MDGA2: variants seen among roughly 807,000 people sequenced by gnomAD.
The protein encoded by MDGA2 is MAM domain-containing glycosylphosphatidylinositol anchor protein 2.
In MDGA2, 40 loss-of-function variants were observed where a neutral mutation model predicts 117.8. The observed-to-expected ratio is 0.34, with a 90% confidence interval of 0.26 to 0.44. The LOEUF (loss-of-function observed/expected upper bound fraction) is 0.44. Ranked by LOEUF, MDGA2 falls within the 20% of genes least tolerant of loss-of-function variation. The pLI, the probability that MDGA2 is intolerant of heterozygous loss-of-function variation, is 1.00. For synonymous variants in MDGA2, 452 were observed against 439.0 expected, an observed-to-expected ratio of 1.03 and a Z score of -0.37; for missense variants, 1,123 against 1,250.6, an observed-to-expected ratio of 0.90 and a Z score of 1.54.
intron 1 of MDGA2, among the ~76,000 whole-genome samples, chr14:47,650,250 G>C (rs1033956225): frequency 1.3e-5 from 2 of 152,090 alleles, no homozygotes; most frequent in African/African-American, 4.8e-5. Context: ...CTGGAACTAC[G>C]TCCTCAGCTC....
intron 2 of MDGA2, among the ~76,000 whole-genome samples, chr14:47,282,376 A>T (rs765042869): frequency 1.4e-4 from 21 of 152,130 alleles, no homozygotes; most frequent in Non-Finnish European, 2.6e-4. Flanking sequence ...TCATGGACAG[A>T]TGTTTACAAA....
intron 2 of MDGA2, among the ~76,000 whole-genome samples, chr14:47,230,158 A>G (rs959278717): frequency 6.6e-6 from 1 of 151,994 alleles, no homozygotes; most frequent in Non-Finnish European, 1.5e-5. Flanking sequence ...AGTATTAGAA[A>G]TGTAATAAAA....
intron 1 of MDGA2, among the ~76,000 whole-genome samples, chr14:47,673,778 T>A (rs572536230): frequency 3.9e-5 from 6 of 152,012 alleles, no homozygotes; most frequent in African/African-American, 1.4e-4. Flanking sequence ...CTTCTCTAGT[T>A]CCTAAACCTA....
chr14:47,047,999 T>C (rs541670187), intron 7 of MDGA2, among the ~76,000 whole-genome samples: 1 of 152,050 alleles, frequency 6.6e-6, no homozygotes, highest in African/African-American at 2.4e-5. Flanking sequence ...GGAAAGAAGA[T>C]TGCATTTGTC....
At chr14:47,415,663 C>T (rs1892460837) in intron 1 of MDGA2, among the ~76,000 whole-genome samples, 1 of 152,146 alleles carries the variant, frequency 6.6e-6, no homozygotes. Flanking sequence ...TAACAGAATA[C>T]ACACAAGGTA....
At chr14:47,129,875 C>A (rs1251719164) in intron 5 of MDGA2, among the ~76,000 whole-genome samples, 34 of 144,890 alleles carry the variant, frequency 2.3e-4, no homozygotes, top group Admixed American at 3.4e-4. Flanking sequence ...TGTTTTTTGG[C>A]TGCATAAATG....
chr14:47,096,729 A>G, intron 6 of MDGA2, 125 bp downstream of exon 6: 1 of 961,318 alleles, frequency 1.0e-6, no homozygotes, highest in Non-Finnish European at 1.6e-6. Flanking sequence ...TTATTTATAC[A>G]TGATTTTATC....
At chr14:47,096,828 T>G in intron 6 of MDGA2, 26 bp downstream of exon 6, 2 of 1,608,938 alleles carry the variant, frequency 1.2e-6, no homozygotes, top group Non-Finnish European at 1.7e-6. Context: ...GGAATCTACG[T>G]TGTAACATTC....
At chr14:47,119,285 T>G (rs1226429478) in intron 5 of MDGA2, among the ~76,000 whole-genome samples, 3 of 151,204 alleles carry the variant, frequency 2.0e-5, no homozygotes, top group Non-Finnish European at 3.0e-5. Context: ...CAGGATGGTC[T>G]CAATCTCCTG....
chr14:46,994,063 C>T (rs1363823979), intron 8 of MDGA2, among the ~76,000 whole-genome samples: 4 of 152,000 alleles, frequency 2.6e-5, no homozygotes, highest in South Asian at 4.2e-4. Context: ...ACGGGGTAAT[C>T]GATCAATCAA....
intron 1 of MDGA2, among the ~76,000 whole-genome samples, chr14:47,364,744 G>C (rs1288686299): frequency 1.3e-5 from 2 of 152,206 alleles, no homozygotes; most frequent in African/African-American, 2.4e-5. Flanking sequence ...AATACAGATA[G>C]TTAAAAGTGA....
intron 1 of MDGA2, among the ~76,000 whole-genome samples, chr14:47,510,133 C>A (rs1249649992): frequency 6.6e-6 from 1 of 152,090 alleles, no homozygotes; most frequent in Admixed American, 6.5e-5. Context: ...GCAGGCAGAG[C>A]CCTCCTGAAT....
intron 1 of MDGA2, among the ~76,000 whole-genome samples, chr14:47,363,933 T>A (rs1414414460): frequency 4.6e-5 from 7 of 152,182 alleles, no homozygotes; most frequent in Non-Finnish European, 1.0e-4. Context: ...ACTTTGCATT[T>A]TAAAAAATTT....
intron 2 of MDGA2, among the ~76,000 whole-genome samples, chr14:47,283,403 A>C (rs964885408): frequency 2.0e-5 from 3 of 152,240 alleles, no homozygotes; most frequent in Non-Finnish European, 4.4e-5. Context: ...AATAAAATTT[A>C]AAATTTTAAT....
At chr14:47,086,092 A>C (rs1218021895) in intron 6 of MDGA2, among the ~76,000 whole-genome samples, 1 of 49,424 alleles carries the variant, frequency 2.0e-5, no homozygotes, top group Non-Finnish European at 3.9e-5. Context: ...TCAATGTGTA[A>C]GGTTTTTTTT....
At chr14:47,613,601 G>A (rs1374614187) in intron 1 of MDGA2, among the ~76,000 whole-genome samples, 1 of 151,992 alleles carries the variant, frequency 6.6e-6, no homozygotes, top group Non-Finnish European at 1.5e-5. Context: ...TTCATATTAT[G>A]AGGGCTGAAA....
chr14:46,986,518 T>C (rs555423854), intron 8 of MDGA2, among the ~76,000 whole-genome samples: 3 of 16,366 alleles, frequency 1.8e-4, no homozygotes, highest in East Asian at 0.056. Flanking sequence ...AAAATACTGA[T>C]GTAAGATCTT....
At chr14:46,968,305 C>T (rs567823989) in intron 8 of MDGA2, among the ~76,000 whole-genome samples, 10 of 152,140 alleles carry the variant, frequency 6.6e-5, no homozygotes, top group Non-Finnish European at 1.0e-4. Flanking sequence ...TCTCCAGAGA[C>T]AGGCTTACAG....
chr14:47,312,661 G>A (rs1229869430), intron 1 of MDGA2, among the ~76,000 whole-genome samples: 4 of 148,566 alleles, frequency 2.7e-5, no homozygotes, highest in Non-Finnish European at 5.9e-5. Context: ...ATGCCACCAT[G>A]CCCAGCTAGT....
Sources: allele counts gnomAD v4.1 joint callset (sites outside exome capture counted in the v4.1 genomes callset), GRCh38; gene constraint gnomAD v4.1.1; transcripts MANE v1.5; gene names NCBI Gene and HGNC (gene_info 2026-07-23, HGNC 2026-07-21).